The following SPAG16 variants were observed in gnomAD, a reference collection of about 807,000 sequenced individuals.
SPAG16 encodes the protein sperm associated antigen 16.
Under a neutral mutation model 80.4 loss-of-function variants are expected in SPAG16, and 86 were observed. That is an observed-to-expected ratio of 1.07 (90% CI 0.90 to 1.28). SPAG16 has a LOEUF of 1.28. Among genes scored for constraint, SPAG16 ranks in the 50% most tolerant of loss-of-function variants. The probability of loss-of-function intolerance (pLI) is 0.00; values close to 1 mark genes in which losing one functional copy is unlikely to be tolerated. For synonymous variants in SPAG16, 294 were observed against 265.9 expected, an observed-to-expected ratio of 1.11 and a Z score of -1.03; for missense variants, 870 against 765.3, an observed-to-expected ratio of 1.14 and a Z score of -1.61.
At chr2:213,893,779 A>G (rs10197909) in intron 11 of SPAG16, among the ~76,000 whole-genome samples, 90,250 of 151,898 alleles carry the variant, frequency 0.59, 28,699 homozygotes, top group South Asian at 0.85. Context: ...AAATTAAACC[A>G]TACTAGCAGA....
At chr2:213,417,925 G>A (rs951062426) in intron 9 of SPAG16, among the ~76,000 whole-genome samples, 2 of 149,336 alleles carry the variant, frequency 1.3e-5, no homozygotes, top group African/African-American at 5.0e-5. Context: ...AGGTTGGAGT[G>A]TGCAGTGGCA....
At chr2:213,891,819 T>C (rs10180128) in intron 11 of SPAG16, among the ~76,000 whole-genome samples, 90,367 of 152,004 alleles carry the variant, frequency 0.59, 28,760 homozygotes, top group South Asian at 0.85. Context: ...TCATTCTGCC[T>C]GCCTCCAGGT....
chr2:213,292,633 C>T (rs2062326418), intron 1 of SPAG16, among the ~76,000 whole-genome samples: 7 of 138,058 alleles, frequency 5.1e-5, no homozygotes. Context: ...CACTGCACTC[C>T]AGCCTGGGCG....
At chr2:213,924,508 G>A (rs1228824545) in intron 11 of SPAG16, among the ~76,000 whole-genome samples, 1 of 152,206 alleles carries the variant, frequency 6.6e-6, no homozygotes, top group Non-Finnish European at 1.5e-5. Context: ...TTGGCCTGCA[G>A]GGTCAGTGTT....
In SPAG16 at chr2:214,301,037, AATAAT is replaced by A. The variant is rs1161293212; in HGVS notation, c.1721-109101_1721-109097del. Among the ~76,000 whole-genome samples the A allele has an allele frequency of 4.3e-5, 5 of 116,886 alleles. No homozygotes were observed. In the East Asian group the frequency reaches 1.2e-3, roughly 28 times the overall value. The allele number at this position is 116,886 out of a possible 152,430, so 76.7% of individuals were successfully genotyped here. ...ACCCTAAAACTTAAAGTATAATAAT[AATAAT>A]AATAATAATAATAATAATAATAATA... is the stretch of plus-strand genomic sequence containing the variant. On this transcript the variant is annotated intron_variant, in intron 15 of 15. Coordinates refer to ENST00000331683, the MANE Select transcript of SPAG16 (RefSeq NM_024532.5).
intron 15 of SPAG16, among the ~76,000 whole-genome samples, chr2:214,277,922 C>T (rs535505673): frequency 1.1e-4 from 16 of 152,356 alleles, no homozygotes; most frequent in African/African-American, 3.8e-4. Flanking sequence ...GAGGTGGAGT[C>T]AACAGAGGCA....
chr2:214,146,624 A>G (rs1168008804), intron 14 of SPAG16, among the ~76,000 whole-genome samples: 1 of 152,148 alleles, frequency 6.6e-6, no homozygotes, highest in Non-Finnish European at 1.5e-5. Context: ...AGCTAACTGG[A>G]TATATAGTTA....
intron 15 of SPAG16, among the ~76,000 whole-genome samples, chr2:214,183,667 G>C (rs2057375172): frequency 6.6e-6 from 1 of 152,032 alleles, no homozygotes; most frequent in Admixed American, 6.6e-5. Context: ...GCTGGAGATA[G>C]GTCAGCCCTA....
At position 214,327,938 on chromosome 2, in the gene SPAG16, C is replaced by T. The variant is rs188568135; in HGVS notation, c.1721-82202C>T. Among the ~76,000 whole-genome samples, 1,163 of 152,278 alleles carry T rather than the reference C, an allele frequency of 7.6e-3. 14 individuals carry two copies. The highest frequency in any genetic ancestry group is 0.042 in the South Asian group (201 of 4,814). ...ACTTATCTAATTGATACTAGAGTAT[C>T]AGCAGGGTGGGTTATGAAATCATGA... On this transcript the variant is annotated intron_variant, in intron 15 of 15. Transcript: ENST00000331683.
intron 15 of SPAG16, among the ~76,000 whole-genome samples, chr2:214,205,163 G>T (rs1180075793): frequency 6.6e-6 from 1 of 152,078 alleles, no homozygotes; most frequent in Non-Finnish European, 1.5e-5. Context: ...GGTGGAGGTT[G>T]CAGTGAGCCA....
chr2:213,648,906 T>G (rs1325628742), intron 10 of SPAG16, among the ~76,000 whole-genome samples: 2 of 152,112 alleles, frequency 1.3e-5, no homozygotes, highest in Non-Finnish European at 2.9e-5. Flanking sequence ...AATGAAAGGA[T>G]ATGGCTGACA....
intron 11 of SPAG16, among the ~76,000 whole-genome samples, chr2:213,896,469 T>C (rs10178856): frequency 0.34 from 51,737 of 151,154 alleles, 9,322 homozygotes; most frequent in South Asian, 0.47. Context: ...GAAATCAGTA[T>C]ATCGAAGAGA....
chr2:213,446,727 T>G (rs900512862), intron 9 of SPAG16, among the ~76,000 whole-genome samples: 4 of 152,178 alleles, frequency 2.6e-5, no homozygotes, highest in Non-Finnish European at 1.5e-5. Flanking sequence ...AAATCTATAC[T>G]AACGATAGTG....
intron 15 of SPAG16, among the ~76,000 whole-genome samples, chr2:214,209,638 T>A (rs191299916): frequency 1.3e-5 from 2 of 152,306 alleles, no homozygotes; most frequent in Admixed American, 1.3e-4. Context: ...TAGAGGTTTC[T>A]AGCCTTTGGT....
intron 11 of SPAG16, among the ~76,000 whole-genome samples, chr2:213,921,111 A>T: frequency 6.6e-6 from 1 of 152,084 alleles, no homozygotes; most frequent in East Asian, 1.9e-4. Context: ...TCTTCCCTCC[A>T]TCCACTCTCA....
At chr2:213,988,054 G>T (rs2046104629) in intron 12 of SPAG16, among the ~76,000 whole-genome samples, 1 of 151,692 alleles carries the variant, frequency 6.6e-6, no homozygotes, top group South Asian at 2.1e-4. Context: ...GAAAATCTGG[G>T]GATCTGAAAT....
intron 12 of SPAG16, among the ~76,000 whole-genome samples, chr2:213,953,627 T>G (rs535344330): frequency 1.3e-5 from 2 of 151,634 alleles, no homozygotes; most frequent in Admixed American, 1.3e-4. Context: ...AAGAAAAAAA[T>G]TTTTAAATTA....
intron 10 of SPAG16, among the ~76,000 whole-genome samples, chr2:213,618,765 T>A (rs1042524762): frequency 6.6e-6 from 1 of 152,094 alleles, no homozygotes; most frequent in Non-Finnish European, 1.5e-5. Flanking sequence ...AAAGGAAAAG[T>A]CACAAGGTGG....
At chr2:214,238,150 C>T (rs188180133) in intron 15 of SPAG16, 2 of 422,096 alleles carry the variant, frequency 4.7e-6, no homozygotes, top group Admixed American at 3.1e-5. Context: ...TACCACGTAT[C>T]TTTATAGACT....
Sources: gnomAD v4.1 joint callset for allele counts (sites outside exome capture counted in the v4.1 genomes callset) on GRCh38, gnomAD v4.1.1 for gene constraint, MANE v1.5 for transcripts, NCBI Gene and HGNC (gene_info 2026-07-23, HGNC 2026-07-21) for gene names.